ROBO1: variants seen among roughly 807,000 people sequenced by gnomAD.
ROBO1 encodes roundabout guidance receptor 1, also known as roundabout homolog 1.
Under a neutral mutation model 195.9 loss-of-function variants are expected in ROBO1, and 149 were observed. The observed-to-expected ratio is 0.76, with a 90% CI of 0.67 to 0.87. The LOEUF (loss-of-function observed/expected upper bound fraction) is 0.87. ROBO1 is among the 40% of genes least tolerant of loss of function. ROBO1 has a pLI of 0.00. For missense variants in ROBO1, 1,933 were observed against 2,068.3 expected, an observed-to-expected ratio of 0.93 and a Z score of 1.27; for synonymous variants, 816 against 733.2, an observed-to-expected ratio of 1.11 and a Z score of -1.82.
intron 4 of ROBO1, among the ~76,000 whole-genome samples, chr3:78,875,556 T>G (rs538797935): frequency 6.6e-6 from 1 of 151,768 alleles, no homozygotes; most frequent in Admixed American, 6.6e-5. Context: ...GAAAAAAAAA[T>G]CAATTGCATG....
chr3:79,319,805 C>T (rs966242203), intron 2 of ROBO1, among the ~76,000 whole-genome samples: 4 of 152,012 alleles, frequency 2.6e-5, no homozygotes, highest in African/African-American at 9.7e-5. Flanking sequence ...TAACATATAA[C>T]CCATAGGTAC....
intron 3 of ROBO1, among the ~76,000 whole-genome samples, chr3:79,007,079 A>G (rs1358783332): frequency 6.6e-6 from 1 of 152,216 alleles, no homozygotes; most frequent in Non-Finnish European, 1.5e-5. Context: ...AAACAATAAC[A>G]ACAAAAACAA....
At chr3:78,863,156 T>G (rs537197969) in intron 4 of ROBO1, among the ~76,000 whole-genome samples, 1 of 152,192 alleles carries the variant, frequency 6.6e-6, no homozygotes, top group African/African-American at 2.4e-5. Flanking sequence ...AGTAAACCCA[T>G]AGAATGGTCT....
chr3:78,882,523 T>A (rs1044807465), intron 4 of ROBO1, among the ~76,000 whole-genome samples: 2 of 152,126 alleles, frequency 1.3e-5, no homozygotes, highest in African/African-American at 4.8e-5. Flanking sequence ...CATAAGGCCA[T>A]CATGCTGAAT....
At chr3:79,620,763 A>G (rs574192633) in intron 1 of ROBO1, among the ~76,000 whole-genome samples, 1 of 152,094 alleles carries the variant, frequency 6.6e-6, no homozygotes, top group Non-Finnish European at 1.5e-5. Context: ...TCATCCCATT[A>G]AAATCTAATC....
At chr3:79,661,632 C>T (rs1449201013) in intron 1 of ROBO1, among the ~76,000 whole-genome samples, 1 of 151,540 alleles carries the variant, frequency 6.6e-6, no homozygotes, top group African/African-American at 2.4e-5. Context: ...CTATCCCTTT[C>T]TTTTTCTCTT....
At chr3:78,621,478 C>T (rs1195778617) in intron 26 of ROBO1, among the ~76,000 whole-genome samples, 1 of 152,144 alleles carries the variant, frequency 6.6e-6, no homozygotes, top group Non-Finnish European at 1.5e-5. Context: ...TCATGTAAAA[C>T]AAGGGCTGGC....
chr3:79,371,655 T>C (rs572329466), intron 2 of ROBO1, among the ~76,000 whole-genome samples: 1 of 152,182 alleles, frequency 6.6e-6, no homozygotes, highest in African/African-American at 2.4e-5. Context: ...ACATTGAGGA[T>C]GAAGAAAGTA....
chr3:79,557,015 T>A (rs1307887135), intron 2 of ROBO1, among the ~76,000 whole-genome samples: 1 of 144,014 alleles, frequency 6.9e-6, no homozygotes, highest in Non-Finnish European at 1.5e-5. Context: ...ATTCCTTTTT[T>A]TGTTGTTTTT....
chr3:78,955,283 T>G (rs2107797710), intron 3 of ROBO1, among the ~76,000 whole-genome samples: 1 of 151,570 alleles, frequency 6.6e-6, no homozygotes, highest in African/African-American at 2.4e-5. Flanking sequence ...GTCATGGGGG[T>G]TTGGTGTACA....
intron 2 of ROBO1, among the ~76,000 whole-genome samples, chr3:79,420,580 T>G (rs1353191715): frequency 6.6e-6 from 1 of 152,182 alleles, no homozygotes; most frequent in Admixed American, 6.6e-5. Context: ...TGTGTGACTT[T>G]GGCGATTCTC....
chr3:79,441,704 A>AGT (rs2039060389), intron 2 of ROBO1, among the ~76,000 whole-genome samples: 1 of 152,092 alleles, frequency 6.6e-6, no homozygotes, highest in Non-Finnish European at 1.5e-5. Context: ...TTCCACAAAC[A>AGT]GTGTGTCAAA....
In ROBO1 at chr3:79,610,919, T is replaced by C. The variant is rs75777777; in HGVS notation, c.-50-20958A>G. On this transcript the variant is annotated intron_variant, in intron 1 of 30. Coordinates refer to ENST00000464233, the MANE Select transcript of ROBO1 (RefSeq NM_002941.4). ...AACACTTCTCTGAGTTCTGACTTCA[T>C]ATTCTTTATCTCACTTGCAGAATTA... is the stretch of plus-strand genomic sequence containing the variant. 5.6e-3 allele frequency among the ~76,000 whole-genome samples: 860 copies of C among 152,234 alleles called. 5 individuals are homozygous for C. The highest frequency in any genetic ancestry group is 0.018 in the African/African-American group (746 of 41,566).
intron 10 of ROBO1, among the ~76,000 whole-genome samples, chr3:78,674,742 T>C (rs966161920): frequency 6.6e-6 from 1 of 152,232 alleles, no homozygotes; most frequent in South Asian, 2.1e-4. Context: ...GTCATGTCAG[T>C]TGGCACATGA....
At chr3:79,385,071 G>C (rs2036692577) in intron 2 of ROBO1, among the ~76,000 whole-genome samples, 1 of 152,078 alleles carries the variant, frequency 6.6e-6, no homozygotes, top group Non-Finnish European at 1.5e-5. Context: ...CTGAATTTAA[G>C]TGTACCATGA....
intron 4 of ROBO1, among the ~76,000 whole-genome samples, chr3:78,884,941 G>C (rs994490605): frequency 9.9e-5 from 15 of 150,950 alleles, no homozygotes; most frequent in African/African-American, 3.7e-4. Context: ...GCATTGCTTT[G>C]TACGAAGGCT....
chr3:78,725,768 C>T (rs2082146831), intron 5 of ROBO1, among the ~76,000 whole-genome samples: 1 of 152,094 alleles, frequency 6.6e-6, no homozygotes, highest in African/African-American at 2.4e-5. Flanking sequence ...CCTTTTAAAA[C>T]ATAAATTCAT....
intron 2 of ROBO1, among the ~76,000 whole-genome samples, chr3:79,168,812 G>A (rs759683377): frequency 5.6e-4 from 86 of 152,224 alleles, no homozygotes; most frequent in Non-Finnish European, 1.2e-3. Context: ...GCATTAAAGT[G>A]AGGAAAATGC....
chr3:78,925,490 T>A (rs753012490), intron 4 of ROBO1, among the ~76,000 whole-genome samples: 4 of 152,220 alleles, frequency 2.6e-5, no homozygotes, highest in Non-Finnish European at 5.9e-5. Flanking sequence ...AAAATATGGA[T>A]AATTTGTGCG....
Sources: allele counts gnomAD v4.1 joint callset (sites outside exome capture counted in the v4.1 genomes callset), GRCh38; gene constraint gnomAD v4.1.1; transcripts MANE v1.5; gene names NCBI Gene and HGNC (gene_info 2026-07-23, HGNC 2026-07-21).